Variants in OPHN1 observed in about 807,000 individuals in gnomAD.
OPHN1 encodes the protein oligophrenin-1.
Under a neutral mutation model 60.7 loss-of-function variants are expected in OPHN1, and 11 were observed. The observed-to-expected ratio is 0.18, with a 90% CI of 0.11 to 0.30. OPHN1 has a LOEUF of 0.30. Among genes scored for constraint, OPHN1 ranks in the 10% least tolerant of loss-of-function variants. The pLI, the probability that OPHN1 is intolerant of heterozygous loss-of-function variation, is 1.00. For synonymous variants in OPHN1, 226 were observed against 222.6 expected (o/e 1.02, Z -0.14); for missense variants, 449 against 611.0 (o/e 0.73, Z 2.80).
At chrX:68,224,892 C>G (rs1400115796) in intron 6 of OPHN1, among the ~76,000 whole-genome samples, 1 of 112,197 alleles carries the variant, frequency 8.9e-6, no homozygotes, top group Non-Finnish European at 1.9e-5. Context: ...GTGGGTGCAG[C>G]CCACAGAGTG....
chrX:68,242,544 T>C (rs1280449882), intron 5 of OPHN1, among the ~76,000 whole-genome samples: 4 of 111,448 alleles, frequency 3.6e-5, no homozygotes, highest in African/African-American at 6.5e-5. Context: ...AGAATTACCA[T>C]ATAACCAGGC....
intron 2 of OPHN1, among the ~76,000 whole-genome samples, chrX:68,306,813 C>G (rs772256212): frequency 2.7e-5 from 3 of 111,518 alleles, no homozygotes; most frequent in African/African-American, 9.8e-5. Context: ...GCCTTGACCT[C>G]CCGGGCTCAA....
intron 2 of OPHN1, among the ~76,000 whole-genome samples, chrX:68,416,067 T>TATATAG (rs2078796884): frequency 1.2e-4 from 1 of 8,342 alleles, no homozygotes; most frequent in Non-Finnish European, 3.7e-4. Context: ...TATATATATA[T>TATATAG]AGAGAGAGAG....
chrX:68,308,389 G>A (rs1258455765), intron 2 of OPHN1, among the ~76,000 whole-genome samples: 2 of 110,684 alleles, frequency 1.8e-5, no homozygotes, highest in Non-Finnish European at 3.8e-5. Flanking sequence ...TCAGGAGTTC[G>A]AGACCAGCCT....
At chrX:68,323,818 AT>A in intron 2 of OPHN1, among the ~76,000 whole-genome samples, 1 of 112,252 alleles carries the variant, frequency 8.9e-6, no homozygotes, top group East Asian at 2.8e-4. Context: ...GACTTTAAGG[AT>A]AATTGAACAT....
At position 68,111,843 on chromosome X, in the gene OPHN1, C is replaced by CG. The variant is rs771347369; in HGVS notation, c.1526+10_1526+11insC. On this transcript the variant is annotated intron_variant, in intron 18 of 24. Coordinates refer to ENST00000355520, the MANE Select transcript of OPHN1 (RefSeq NM_002547.3). ...ATAGGAACTTTTTCTGAAAATCCAG[C>CG]AGTTACTTACTTGACCAAGTGTCTT... is the stretch of plus-strand genomic sequence containing the variant. 2 of 1,142,492 alleles carry CG rather than the reference C, an allele frequency of 1.8e-6. No individual in the cohort carries two copies. Among genetic ancestry groups the CG allele is most frequent in the East Asian group, 6.0e-5 (2 of 33,560 alleles). The allele number at this position is 1,142,492 out of a possible 1,213,427, so 94.2% of individuals were successfully genotyped here.
At chrX:68,074,950 C>A (rs745363131) in intron 19 of OPHN1, among the ~76,000 whole-genome samples, 1 of 112,508 alleles carries the variant, frequency 8.9e-6, no homozygotes, top group Non-Finnish European at 1.9e-5. Context: ...ACTACTACTA[C>A]TAAAATACTA....
intron 18 of OPHN1, among the ~76,000 whole-genome samples, chrX:68,109,762 G>A (rs2077096454): frequency 1.8e-5 from 2 of 111,279 alleles, no homozygotes; most frequent in African/African-American, 3.3e-5. Flanking sequence ...TTACGTGCTG[G>A]AAAATTGTAA....
At chrX:68,134,377 C>G (rs1279079077) in intron 15 of OPHN1, among the ~76,000 whole-genome samples, 1 of 110,864 alleles carries the variant, frequency 9.0e-6, no homozygotes, top group Non-Finnish European at 1.9e-5. Flanking sequence ...TATGATAATA[C>G]AGCAAAGGTC....
intron 2 of OPHN1, among the ~76,000 whole-genome samples, chrX:68,404,908 A>T (rs766019267): frequency 1.6e-4 from 18 of 111,396 alleles, no homozygotes; most frequent in Non-Finnish European, 3.0e-4. Flanking sequence ...GTAGTTGCCA[A>T]GGCTGGGGGG....
At chrX:68,269,350 T>G (rs1470760689) in intron 5 of OPHN1, among the ~76,000 whole-genome samples, 3 of 111,324 alleles carry the variant, frequency 2.7e-5, no homozygotes, top group African/African-American at 9.8e-5. Flanking sequence ...CTACAAGGCT[T>G]CAGTAACCAA....
chrX:68,389,440 G>A (rs1230959034), intron 2 of OPHN1, among the ~76,000 whole-genome samples: 1 of 108,521 alleles, frequency 9.2e-6, no homozygotes, highest in Non-Finnish European at 1.9e-5. Context: ...GGTGGAGGGT[G>A]CCTGTAATCT....
chrX:68,311,617 G>C (rs1268163939), intron 2 of OPHN1, among the ~76,000 whole-genome samples: 1 of 111,421 alleles, frequency 9.0e-6, no homozygotes, highest in Non-Finnish European at 1.9e-5. Context: ...ATTTTTAGTA[G>C]AGACGGGGTT....
intron 2 of OPHN1, among the ~76,000 whole-genome samples, chrX:68,343,189 G>T (rs1216730504): frequency 1.2e-4 from 13 of 106,916 alleles, no homozygotes; most frequent in Admixed American, 1.1e-3. Flanking sequence ...CAGGAGAATC[G>T]CTTGAACCCA....
intron 15 of OPHN1, among the ~76,000 whole-genome samples, chrX:68,175,021 T>C (rs753216259): frequency 9.2e-6 from 1 of 108,773 alleles, no homozygotes; most frequent in Admixed American, 9.9e-5. Flanking sequence ...GAGGCGGAGG[T>C]TGCAGTGAGC....
intron 19 of OPHN1, among the ~76,000 whole-genome samples, chrX:68,076,815 G>A (rs1221257300): frequency 2.7e-5 from 3 of 111,671 alleles, no homozygotes; most frequent in Non-Finnish European, 3.8e-5. Flanking sequence ...ATACTACTCA[G>A]TACTAAAAAG....
chrX:68,312,923 G>T (rs915997988), intron 2 of OPHN1, among the ~76,000 whole-genome samples: 1 of 111,077 alleles, frequency 9.0e-6, no homozygotes, highest in Non-Finnish European at 1.9e-5. Flanking sequence ...CTGGGCAACA[G>T]AGTGAGACTC....
At chrX:68,151,509 T>C (rs2077285257) in intron 15 of OPHN1, among the ~76,000 whole-genome samples, 1 of 111,917 alleles carries the variant, frequency 8.9e-6, no homozygotes, top group Non-Finnish European at 1.9e-5. Context: ...CAACCTGTTA[T>C]GATTTTATCA....
chrX:68,067,060 C>G (rs898549048), intron 20 of OPHN1, among the ~76,000 whole-genome samples: 1 of 111,105 alleles, frequency 9.0e-6, no homozygotes, highest in Non-Finnish European at 1.9e-5. Flanking sequence ...TGGGGAGAAG[C>G]TTTGAGAGGA....
Sources: allele counts gnomAD v4.1 joint callset (sites outside exome capture counted in the v4.1 genomes callset), GRCh38; gene constraint gnomAD v4.1.1; transcripts MANE v1.5; gene names NCBI Gene and HGNC (gene_info 2026-07-23, HGNC 2026-07-21).